The following NEIL1 variants were observed in gnomAD, a reference collection of about 807,000 sequenced individuals.
NEIL1 encodes nei like DNA glycosylase 1, also known as endonuclease 8-like 1.
A neutral mutation model predicts 44.2 loss-of-function variants in NEIL1; 31 were observed. That is an observed-to-expected ratio of 0.70 (90% CI 0.53 to 0.95). NEIL1 has a LOEUF of 0.95. NEIL1 is among the 40% of genes least tolerant of loss of function. The probability of loss-of-function intolerance (pLI) is 0.00; values close to 1 mark genes in which losing one functional copy is unlikely to be tolerated. For missense variants in NEIL1, 549 were observed against 515.5 expected, an observed-to-expected ratio of 1.07 and a Z score of -0.63; for synonymous variants, 254 against 209.7, an observed-to-expected ratio of 1.21 and a Z score of -1.83.
At position 75,356,205 on chromosome 15, in the gene NEIL1, G is replaced by C. The variant is rs1468022255; in HGVS notation, c.*1171G>C. On this transcript the variant is annotated 3_prime_UTR_variant, in exon 10 of 10. Transcript: ENST00000355059. The surrounding 1 kb of genome is among the most constrained non-coding windows in gnomAD (Gnocchi z 5.8). ...GCCTCAGGACCAGCGAGCGGCGCTG[G>C]GGGCTGCTCTCCGCCTGCAGAGGAA... 6.2e-7 allele frequency: 1 copy of C among 1,613,208 alleles called. No individual in the cohort carries two copies. The highest frequency in any genetic ancestry group is 2.2e-5 in the East Asian group (1 of 44,882).
intron 2 of NEIL1, among the ~76,000 whole-genome samples, chr15:75,351,102 A>C (rs80042743): frequency 0.011 from 1,643 of 152,168 alleles, 13 homozygotes; most frequent in Non-Finnish European, 0.015. Flanking sequence ...CAGGATCTTG[A>C]GAAGAATGGA....
intron 5 of NEIL1, 104 bp from the exon 6 acceptor site, chr15:75,353,635 C>G (rs1483118169): frequency 8.2e-7 from 1 of 1,216,798 alleles, no homozygotes; most frequent in African/African-American, 1.5e-5. Flanking sequence ...CTGACTCAGT[C>G]CATCAGCTTG....
intron 1 of NEIL1, 31 bp from the exon 2 acceptor site, chr15:75,348,853 G>A (rs1304254001): frequency 6.3e-7 from 1 of 1,588,200 alleles, no homozygotes. Context: ...AGTCCACACC[G>A]GGCTCAACCC....
rs772334401 is a variant in NEIL1, at chr15:75,353,619, T to G, written c.719-120T>G. Reference sequence around the variant, plus strand: ...TCACATCACCAGAGGAGGGAGAGTGTGGCCCCTGACTCAGTCCATCAGCTT... The same window carrying G: ...TCACATCACCAGAGGAGGGAGAGTGGGGCCCCTGACTCAGTCCATCAGCTT... On this transcript the variant is annotated intron_variant, in intron 5 of 9. Transcript: ENST00000355059. 19 of 1,053,144 alleles carry G rather than the reference T, an allele frequency of 1.8e-5. No individual in the cohort carries two copies. The Admixed American group carries it at 3.2e-4, about 18-fold the overall frequency. 65.2% of individuals were successfully genotyped at this position (1,053,144 alleles called of 1,614,324 possible).
chr15:75,349,817 AAAT>A (rs1216242335), intron 2 of NEIL1: 2 of 162,478 alleles, frequency 1.2e-5, no homozygotes, highest in Admixed American at 5.8e-5. Flanking sequence ...CTGTCTCAAA[AAAT>A]AATGATAATA....
Position 75,355,837 on chromosome 15 carries a change from T to G in NEIL1, c.*803T>G. 6.3e-7 allele frequency: 1 copy of G among 1,580,946 alleles called. No individual in the cohort carries two copies. The highest frequency in any genetic ancestry group is 8.6e-7 in the Non-Finnish European group (1 of 1,156,244). ...TCCACAAGAAAAGACTGATCCCTGC[T>G]TTAGGCTGGGGAAGCAGAAATTAGG... On this transcript the variant is annotated 3_prime_UTR_variant, in exon 10 of 10. Transcript: ENST00000355059.
intron 8 of NEIL1, 25 bp from the exon 9 acceptor site, chr15:75,354,628 A>G (rs1355363000): frequency 6.2e-7 from 1 of 1,613,994 alleles, no homozygotes; most frequent in Non-Finnish European, 8.5e-7. Flanking sequence ...TGAGCCCCTC[A>G]GGGACCCGTG....
Position 75,356,122 on chromosome 15 carries a change from T to A in NEIL1, c.*1088T>A. 1 of 1,613,800 alleles carries A rather than the reference T, an allele frequency of 6.2e-7. No homozygotes were observed. The highest frequency in any genetic ancestry group is 2.2e-5 in the East Asian group (1 of 44,862). Reference sequence around the variant, plus strand: ...CACCGCCACTCACAGGATGGCCTCCTGAACCGGCAGCGACAAGTGCAGCCA... The same window carrying A: ...CACCGCCACTCACAGGATGGCCTCCAGAACCGGCAGCGACAAGTGCAGCCA... On this transcript the variant is annotated 3_prime_UTR_variant, in exon 10 of 10. Coordinates refer to ENST00000355059, the MANE Select transcript of NEIL1 (RefSeq NM_024608.4). This position sits in a 1 kb window ranked among gnomAD's most constrained non-coding sequence, Gnocchi z 5.8.
At position 75,356,567 on chromosome 15, in the gene NEIL1, C is replaced by T. The variant is rs769067638; in HGVS notation, c.*1533C>T. The T allele has an allele frequency of 6.4e-7, 1 of 1,551,454 alleles. No individual in the cohort carries two copies. The highest frequency in any genetic ancestry group is 8.7e-7 in the Non-Finnish European group (1 of 1,147,286). ...GGCTCAGGGAAGGGCAGAGAGGTGT[C>T]TAGGGCTGCAGGAAGGCCCCACCGT... On this transcript the variant is annotated 3_prime_UTR_variant, in exon 10 of 10. Coordinates refer to ENST00000355059, the MANE Select transcript of NEIL1 (RefSeq NM_024608.4). The surrounding 1 kb of genome is among the most constrained non-coding windows in gnomAD (Gnocchi z 5.8).
intron 1 of NEIL1, chr15:75,348,570 G>A (rs910788834): frequency 4.2e-5 from 51 of 1,222,870 alleles, no homozygotes; most frequent in Middle Eastern, 3.3e-4. Flanking sequence ...GAGCCGGGAA[G>A]AAGTAAGGCT....
In NEIL1 at chr15:75,354,716, A is replaced by T; in HGVS notation, c.1000A>T (p.Arg334Trp). 6.2e-7 allele frequency: 1 copy of T among 1,614,160 alleles called. No individual in the cohort carries two copies. Among genetic ancestry groups the T allele is most frequent in the South Asian group, 1.1e-5 (1 of 91,086 alleles). ...TRRAKRDLPKRTATQRPEGTS... is the reference protein window; with the variant it reads ...TRRAKRDLPKWTATQRPEGTS... ...AAGGGCAAAGAGAGACCTTCCTAAGAGGACTGCAACCCAGCGGCCTGAGGG... is the reference window on the plus strand; with the variant it reads ...AAGGGCAAAGAGAGACCTTCCTAAGTGGACTGCAACCCAGCGGCCTGAGGG... The change falls in exon 9 of 10, where the codon AGG becomes TGG. Residue 334 changes from arginine (R) to tryptophan (W), a missense_variant. Arg to Trp is a moderately radical substitution (Grantham distance 101). Transcript: ENST00000355059.
intron 1 of NEIL1, chr15:75,348,548 C>T (rs2071621870): frequency 1.7e-6 from 2 of 1,178,898 alleles, no homozygotes; most frequent in Non-Finnish European, 2.1e-6. Context: ...AGATGAGATC[C>T]GTGAGTGAGG....
In NEIL1 at chr15:75,355,063, C is replaced by T. The variant is rs1485197166; in HGVS notation, c.*29C>T. ...GAGGCTCTCCTTGCTTGCACTCACC[C>T]TTTCTTATTGTCTTGCCCTGCATCT... is the stretch of plus-strand genomic sequence containing the variant. On this transcript the variant is annotated 3_prime_UTR_variant, in exon 10 of 10. Transcript: ENST00000355059. 1.2e-6 allele frequency: 2 copies of T among 1,602,770 alleles called. No individual in the cohort carries two copies. Among genetic ancestry groups the T allele is most frequent in the African/African-American group, 2.7e-5 (2 of 74,572 alleles).
chr15:75,354,357 C>G (rs539110497), intron 7 of NEIL1, 74 bp from the exon 8 acceptor site: 1 of 1,610,918 alleles, frequency 6.2e-7, no homozygotes, highest in Admixed American at 1.7e-5. Context: ...CTTCTCCACC[C>G]TATCCCCCTG....
rs2072307170 is a variant in NEIL1, at chr15:75,356,527, G to C, written c.*1493G>C. 2 of 1,551,560 alleles carry C rather than the reference G, an allele frequency of 1.3e-6. No homozygotes were observed. The highest frequency in any genetic ancestry group is 1.7e-6 in the Non-Finnish European group (2 of 1,146,066). On this transcript the variant is annotated 3_prime_UTR_variant, in exon 10 of 10. Transcript: ENST00000355059. This position sits in a 1 kb window ranked among gnomAD's most constrained non-coding sequence, Gnocchi z 5.8. Reference sequence around the variant, plus strand: ...TGTCCCTAGAAGGGGCAGGAAGCCAGGTTGCTGGGGTTTGGGCTCAGGGAA... The same window carrying C: ...TGTCCCTAGAAGGGGCAGGAAGCCACGTTGCTGGGGTTTGGGCTCAGGGAA...
At chr15:75,350,748 C>T (rs1262340659) in intron 2 of NEIL1, among the ~76,000 whole-genome samples, 2 of 152,168 alleles carry the variant, frequency 1.3e-5, no homozygotes, top group Non-Finnish European at 2.9e-5. Context: ...CCTGGGGAGT[C>T]ACGCCACAAG....
chr15:75,354,978 C>T lies in NEIL1; in HGVS notation c.1117C>T (p.Arg373Trp), dbSNP rs776364885. 1.9e-5 allele frequency: 30 copies of T among 1,613,982 alleles called. No homozygotes were observed. Among genetic ancestry groups the T allele is most frequent in the African/African-American group, 5.3e-5 (4 of 74,932 alleles). ...RQAASGHCRP[R>W]KVKADIPSLE... ...TCTTCCCCCAGGCCACTGCAGACCC[C>T]GGAAGGTCAAGGCTGACATCCCATC... The change falls in exon 10 of 10, where the codon CGG becomes TGG. Residue 373 changes from arginine (R) to tryptophan (W), a missense_variant. By Grantham distance (101) the Arg-to-Trp change is moderately radical (BLOSUM62 -3). Coordinates refer to ENST00000355059, the MANE Select transcript of NEIL1 (RefSeq NM_024608.4).
At position 75,355,173 on chromosome 15, in the gene NEIL1, A is replaced by C; in HGVS notation, c.*139A>C. 1.5e-6 allele frequency: 1 copy of C among 661,324 alleles called. No individual in the cohort carries two copies. Among genetic ancestry groups the C allele is most frequent in the Non-Finnish European group, 2.6e-6 (1 of 383,634 alleles). 41.0% of individuals were successfully genotyped at this position (661,324 alleles called of 1,614,324 possible). On this transcript the variant is annotated 3_prime_UTR_variant, in exon 10 of 10. Coordinates refer to ENST00000355059, the MANE Select transcript of NEIL1 (RefSeq NM_024608.4). ...TTCCCTGCACAACTCTCATGGTTTT[A>C]ATTGTACCCCATCTTCCACATCTTT...
chr15:75,347,877 T>C, intron 1 of NEIL1: 1 of 1,202,746 alleles, frequency 8.3e-7, no homozygotes, highest in South Asian at 1.4e-5. Context: ...GCCCTGTGGG[T>C]GCCAGGCCAG....
Sources: gnomAD v4.1 joint callset for allele counts (sites outside exome capture counted in the v4.1 genomes callset) on GRCh38, gnomAD v4.1.1 for gene constraint, Gnocchi (gnomAD v3.1) non-coding constraint, MANE v1.5 for transcripts, NCBI Gene and HGNC (gene_info 2026-07-23, HGNC 2026-07-21) for gene names.